Variants in SPTBN5 observed in about 807,000 individuals in gnomAD.
The protein encoded by SPTBN5 is spectrin beta chain, non-erythrocytic 5.
SPTBN5 carries 513 observed loss-of-function variants against 477.6 expected under a neutral mutation model. That is an observed-to-expected ratio of 1.07 (90% confidence interval 1.00 to 1.16). The LOEUF is 1.16. SPTBN5 is among the 50% of genes most tolerant of loss of function. The probability of loss-of-function intolerance (pLI) is 0.00; values close to 1 mark genes in which losing one functional copy is unlikely to be tolerated. For missense variants in SPTBN5, 5,062 were observed against 4,731.8 expected, an observed-to-expected ratio of 1.07 and a Z score of -2.05; for synonymous variants, 2,169 against 2,011.7, an observed-to-expected ratio of 1.08 and a Z score of -2.09.
intron 31 of SPTBN5, 56 bp downstream of exon 31, chr15:41,870,187 G>A (rs2066484145): frequency 6.6e-7 from 1 of 1,514,406 alleles, no homozygotes; most frequent in South Asian, 1.2e-5. Flanking sequence ...GAACAGGCAG[G>A]CCAGCCTGAG....
Position 41,851,337 on chromosome 15 carries a change from C to G in SPTBN5, c.10689G>C (p.Gly3563=). The part of the protein sequence containing the change: ...PSSSSWDSCR[G]NLQGSSLSLF... The stretch of plus-strand genomic sequence containing the variant: ...GGCTCAGAGAGCTGCCCTGCAAGTT[C>G]CCGCGGCAGCTGTCCCAGGAGCTCG... The change falls in exon 64 of 68, where the codon GGG becomes GGC. Residue 3563 remains glycine (G), a synonymous_variant. Transcript: ENST00000320955. 1 of 1,550,896 alleles carries G rather than the reference C, an allele frequency of 6.4e-7. No homozygotes were observed. The highest frequency in any genetic ancestry group is 8.7e-7 in the Non-Finnish European group (1 of 1,146,952).
Position 41,874,023 on chromosome 15 carries a change from G to C in SPTBN5, c.4712C>G (p.Ala1571Gly). 1.3e-6 allele frequency: 2 copies of C among 1,599,144 alleles called. No homozygotes were observed. Among genetic ancestry groups the C allele is most frequent in the Non-Finnish European group, 1.7e-6 (2 of 1,178,894 alleles). Residue 1571 changes from alanine to glycine, a missense_variant, in exon 25 of 68, where the codon GCT (alanine) becomes GGT (glycine). Physicochemically the swap from Ala to Gly is moderately conservative, Grantham distance 60 (BLOSUM62 0). Transcript: ENST00000320955. Reference sequence around the variant, plus strand: ...CACCCGTTGCACCTGCCCCTGGTGAGCTTTTACCTCCACCTGGAGCTCCTG... The same window carrying C: ...CACCCGTTGCACCTGCCCCTGGTGACCTTTTACCTCCACCTGGAGCTCCTG... ...KHKELQVEVK[A>G]HQGQVQRVLS... is the part of the protein sequence containing the mutation.
At position 41,850,874 on chromosome 15, in the gene SPTBN5, C is replaced by A; in HGVS notation, c.10901G>T (p.Arg3634Leu). 1 of 1,601,146 alleles carries A rather than the reference C, an allele frequency of 6.2e-7. No homozygotes were observed. The highest frequency in any genetic ancestry group is 8.5e-7 in the Non-Finnish European group (1 of 1,174,736). ...PSEEQAESWW[R>L]ALGSTAAQSL... Reference sequence around the variant, plus strand: ...CCCACCTGCAGTGCTGCCCAGGGCTCGCCACCAGCTCTCAGCCTGCTCTTC... The same window carrying A: ...CCCACCTGCAGTGCTGCCCAGGGCTAGCCACCAGCTCTCAGCCTGCTCTTC... The change falls in exon 66 of 68, where the codon CGA (arginine) becomes CTA (leucine). Residue 3634 changes from arginine (R) to leucine (L), a missense_variant. Coordinates refer to ENST00000320955, the MANE Select transcript of SPTBN5 (RefSeq NM_016642.4).
At position 41,862,189 on chromosome 15, in the gene SPTBN5, G is replaced by C. The variant is rs757624426; in HGVS notation, c.7489C>G (p.Pro2497Ala). The change falls in exon 44 of 68, where the codon CCC (proline) becomes GCC (alanine). Residue 2497 changes from proline (P) to alanine (A), a missense_variant. Coordinates refer to ENST00000320955, the MANE Select transcript of SPTBN5 (RefSeq NM_016642.4). ...QRLRAQMDTSPAPRSPVEARR... is the reference protein window; with the variant it reads ...QRLRAQMDTSAAPRSPVEARR... ...GCTTCCACAGGGCTGCGAGGAGCGGGGCTCGTGTCCATCTGAGCCCGCAGC... is the reference window on the plus strand; with the variant it reads ...GCTTCCACAGGGCTGCGAGGAGCGGCGCTCGTGTCCATCTGAGCCCGCAGC... 1.9e-6 allele frequency: 3 copies of C among 1,609,756 alleles called. No individual in the cohort carries two copies. The highest frequency in any genetic ancestry group is 2.2e-5 in the East Asian group (1 of 44,780).
intron 32 of SPTBN5, 66 bp downstream of exon 32, chr15:41,869,775 A>G (rs1595475926): frequency 2.9e-6 from 4 of 1,393,780 alleles, no homozygotes; most frequent in Admixed American, 6.7e-5. Context: ...TCATGCGTGC[A>G]TGCCCATGCA....
chr15:41,886,042 A>G lies in SPTBN5; in HGVS notation c.1213T>C (p.Trp405Arg). 1 of 1,570,790 alleles carries G rather than the reference A, an allele frequency of 6.4e-7. No individual in the cohort carries two copies. Among genetic ancestry groups the G allele is most frequent in the Non-Finnish European group, 8.6e-7 (1 of 1,157,326 alleles). Reference sequence around the variant, plus strand: ...GCCTGGCTCCTTGCAGCCTCTGCCCACTCCAGCCCTGCCCAGCACTGGGAC... The same window carrying G: ...GCCTGGCTCCTTGCAGCCTCTGCCCGCTCCAGCCCTGCCCAGCACTGGGAC... Reference protein sequence around the residue: ...ELSQCWAGLEWAEAARSQALQ... With the variant: ...ELSQCWAGLERAEAARSQALQ... Residue 405 changes from tryptophan (W) to arginine (R), a missense_variant, in exon 7 of 68, where the codon TGG becomes CGG. Transcript: ENST00000320955.
chr15:41,878,662 C>T, intron 16 of SPTBN5, 33 bp from the exon 17 acceptor site: 2 of 1,588,836 alleles, frequency 1.3e-6, no homozygotes, highest in Non-Finnish European at 1.7e-6. Flanking sequence ...CAGTCAGTGC[C>T]CTGTCCTGGG....
Position 41,854,180 on chromosome 15 carries a change from T to C in SPTBN5, c.9644A>G (p.His3215Arg). 1.2e-6 allele frequency: 2 copies of C among 1,600,140 alleles called. No homozygotes were observed. Among genetic ancestry groups the C allele is most frequent in the Non-Finnish European group, 1.7e-6 (2 of 1,173,686 alleles). ...TENLAAAHEV[H>R]SFQQAAAELQ... is the part of the protein sequence containing the mutation. The stretch of plus-strand genomic sequence containing the variant: ...CTCAGCTGCTGCCTGCTGAAAGCTG[T>C]GGACCTCATGGGCTGCAGCCAAGTT... Residue 3215 changes from histidine to arginine, a missense_variant, in exon 57 of 68, where the codon CAC becomes CGC. His to Arg is a conservative substitution (Grantham distance 29). Coordinates refer to ENST00000320955, the MANE Select transcript of SPTBN5 (RefSeq NM_016642.4).
Position 41,861,427 on chromosome 15 carries a change from C to A in SPTBN5, c.7807G>T (p.Gly2603Cys). 6.2e-7 allele frequency: 1 copy of A among 1,613,288 alleles called. No individual in the cohort carries two copies. Among genetic ancestry groups the A allele is most frequent in the Non-Finnish European group, 8.5e-7 (1 of 1,179,584 alleles). ...TCCTGCTGGGCACCTACCCATAGAC[C>A]CTCACTGGCTAGGGAGTCTTCCTTG... ...CSKEDSLASEGLWDPLAPMEP... is the reference protein window; with the variant it reads ...CSKEDSLASECLWDPLAPMEP... Residue 2603 changes from glycine (G) to cysteine (C), a missense_variant, in exon 46 of 68, where the codon GGT becomes TGT. By Grantham distance (159) the Gly-to-Cys change is radical. Transcript: ENST00000320955.
At chr15:41,870,105 C>A (rs934895176) in intron 31 of SPTBN5, 85 bp from the exon 32 acceptor site, 4 of 1,447,186 alleles carry the variant, frequency 2.8e-6, no homozygotes, top group Admixed American at 2.7e-5. Flanking sequence ...GGAACTCTGG[C>A]CCCCTTGGGC....
At chr15:41,851,392 T>C (rs1329065765) in intron 63 of SPTBN5, 23 bp from the exon 64 acceptor site, 1 of 1,535,308 alleles carries the variant, frequency 6.5e-7, no homozygotes, top group Non-Finnish European at 8.8e-7. Flanking sequence ...GGCGGGAAGG[T>C]CGCATGAGCC....
Position 41,863,705 on chromosome 15 carries a change from T to G in SPTBN5, c.7148A>C (p.Lys2383Thr). The change falls in exon 41 of 68, where the codon AAG becomes ACG. Residue 2383 changes from lysine (K) to threonine (T), a missense_variant and splice_region_variant. Transcript: ENST00000320955. ...LDNVTKRIQE[K>T]EALIQALDCG... is the part of the protein sequence containing the mutation. ...CCGGGACCTCTTTCCACCACGTACC[T>G]TCTCCTGAATCCTCTTGGTGACATT... 1.2e-6 allele frequency: 2 copies of G among 1,612,580 alleles called. No individual in the cohort carries two copies. Among genetic ancestry groups the G allele is most frequent in the Non-Finnish European group, 1.7e-6 (2 of 1,179,194 alleles).
chr15:41,890,454 A>G (rs557188582), intron 3 of SPTBN5, among the ~76,000 whole-genome samples: 19 of 152,380 alleles, frequency 1.2e-4, no homozygotes, highest in South Asian at 4.1e-4. Context: ...CTGGGCCCTC[A>G]GAGCAGGAGG....
intron 3 of SPTBN5, among the ~76,000 whole-genome samples, chr15:41,892,361 GCCT>G (rs1449273769): frequency 6.6e-6 from 1 of 152,010 alleles, no homozygotes; most frequent in African/African-American, 2.4e-5. Context: ...TGGAGCTCCG[GCCT>G]CCTTTTAGTG....
In SPTBN5 at chr15:41,848,350, C is replaced by G. The variant is rs1206773862; in HGVS notation, c.*266G>C. Reference sequence around the variant, plus strand: ...GAGGCCACATGGGCCTGGGGTAGCCCTGGCCTTGCCCACCTGCTCTGCCGT... The same window carrying G: ...GAGGCCACATGGGCCTGGGGTAGCCGTGGCCTTGCCCACCTGCTCTGCCGT... On this transcript the variant is annotated 3_prime_UTR_variant, in exon 68 of 68. Transcript: ENST00000320955. 1.8e-6 allele frequency: 1 copy of G among 568,440 alleles called. No homozygotes were observed. The highest frequency in any genetic ancestry group is 3.2e-6 in the Non-Finnish European group (1 of 315,806). 35.2% of individuals were successfully genotyped at this position (568,440 alleles called of 1,614,324 possible).
In SPTBN5 at chr15:41,852,949, C is replaced by T; in HGVS notation, c.10222G>A (p.Ala3408Thr). The T allele has an allele frequency of 7.0e-6, 11 of 1,577,114 alleles. No homozygotes were observed. Among genetic ancestry groups the T allele is most frequent in the Non-Finnish European group, 9.5e-6 (11 of 1,162,076 alleles). Residue 3408 changes from alanine to threonine, a missense_variant, in exon 60 of 68, where the codon GCT becomes ACT. By Grantham distance (58) the Ala-to-Thr change is moderately conservative. Transcript: ENST00000320955. ...LEGRLQELEE[A>T]WALRWQRCAE... ...CAGCGTTGCCAGCGCAGGGCCCAAG[C>T]CTCCTCCAGCTCCTGCAGCCGCCCT...
intron 3 of SPTBN5, 57 bp downstream of exon 3, chr15:41,892,837 A>AGCCTGTCCCAGCT: frequency 6.6e-7 from 1 of 1,516,302 alleles, no homozygotes; most frequent in Non-Finnish European, 8.8e-7. Context: ...CCAGTAGTTC[A>AGCCTGTCCCAGCT]GCCTGTCCCA....
chr15:41,870,400 C>T (rs747152705), intron 30 of SPTBN5, 46 bp downstream of exon 30: 4 of 1,608,642 alleles, frequency 2.5e-6, no homozygotes, highest in South Asian at 2.2e-5. Flanking sequence ...AGCGTGGGCA[C>T]TGAGCCTGGA....
At position 41,882,717 on chromosome 15, in the gene SPTBN5, G is replaced by C. The variant is rs1438582625; in HGVS notation, c.1914C>G (p.Thr638=). 1.9e-6 allele frequency: 3 copies of C among 1,610,244 alleles called. No individual in the cohort carries two copies. The East Asian group carries it at 6.7e-5, about 36-fold the overall frequency. ...VRARRALLEQ[T]LQRAEFLRNC... ...TGCGCAGGAACTCTGCCCGCTGCAG[G>C]GTCTGCTCCAGCAGGGCCCGCCTGA... The change falls in exon 10 of 68, where the codon ACC becomes ACG. Residue 638 remains threonine (T), a synonymous_variant. Coordinates refer to ENST00000320955, the MANE Select transcript of SPTBN5 (RefSeq NM_016642.4).
Sources: allele counts gnomAD v4.1 joint callset (sites outside exome capture counted in the v4.1 genomes callset), GRCh38; gene constraint gnomAD v4.1.1; transcripts MANE v1.5; gene names NCBI Gene and HGNC (gene_info 2026-07-23, HGNC 2026-07-21).